SATL1: variants seen among roughly 807,000 people sequenced by gnomAD.
SATL1 encodes spermidine/spermine N(1)-acetyltransferase-like protein 1.
Under a neutral mutation model 51.8 loss-of-function variants are expected in SATL1, and 47 were observed. That is an observed-to-expected ratio of 0.91 (90% CI 0.72 to 1.16). The LOEUF is 1.16. Among genes scored for constraint, SATL1 ranks in the 50% most tolerant of loss-of-function variants. The probability of loss-of-function intolerance (pLI) is 0.00; values close to 1 mark genes in which losing one functional copy is unlikely to be tolerated. For missense variants in SATL1, 520 were observed against 526.4 expected (o/e 0.99, Z 0.12); for synonymous variants, 176 against 182.4 (o/e 0.97, Z 0.28).
In SATL1 at chrX:85,219,461, C is replaced by T. The variant is rs774573688; in HGVS notation, c.-313+4744G>A. On this transcript the variant is annotated intron_variant, in intron 2 of 7. Transcript: ENST00000644105. ...AGTAGGGATGGCAGATGTTTATTAT[C>T]ACCAAAATGCAGCATAACATTTGCA... 18 of 111,558 alleles carry T rather than the reference C, an allele frequency of 1.6e-4. No homozygotes were observed. The East Asian group carries it at 4.5e-3, about 28-fold the overall frequency. 9.2% of individuals were successfully genotyped at this position (111,558 alleles called of 1,213,427 possible).
rs775402750 is a variant in SATL1, at chrX:85,151,661, C to T, written c.-312-42381G>A. Among the ~76,000 whole-genome samples, 14 of 110,944 alleles carry T rather than the reference C, an allele frequency of 1.3e-4. No homozygotes were observed. In the East Asian group the frequency reaches 2.3e-3, roughly 18 times the overall value. On this transcript the variant is annotated intron_variant, in intron 2 of 7. Transcript: ENST00000644105. ...AGAACAGAGCCCTCAGAAATAATGC[C>T]GCATATCTACAACCATCTGATCTTT...
At chrX:85,240,815 G>A (rs1239695623) in intron 1 of SATL1, among the ~76,000 whole-genome samples, 1 of 106,499 alleles carries the variant, frequency 9.4e-6, no homozygotes, top group African/African-American at 3.5e-5. Flanking sequence ...TAATAGAGAC[G>A]GGGTTTCACC....
intron 2 of SATL1, among the ~76,000 whole-genome samples, chrX:85,164,244 G>A (rs1884142433): frequency 9.0e-6 from 1 of 111,662 alleles, no homozygotes; most frequent in South Asian, 3.7e-4. Flanking sequence ...TTCAACATTA[G>A]TATTGAGATG....
intron 2 of SATL1, among the ~76,000 whole-genome samples, chrX:85,160,653 A>G (rs917778611): frequency 9.0e-6 from 1 of 111,385 alleles, no homozygotes; most frequent in Non-Finnish European, 1.9e-5. Flanking sequence ...AAAGGAAAAA[A>G]TAAAACCTCC....
intron 2 of SATL1, among the ~76,000 whole-genome samples, chrX:85,147,732 G>A (rs1035128370): frequency 8.9e-6 from 1 of 112,137 alleles, no homozygotes; most frequent in African/African-American, 3.2e-5. Context: ...TGGACCTCTA[G>A]CAAACTCCAA....
intron 2 of SATL1, among the ~76,000 whole-genome samples, chrX:85,196,057 T>C (rs766757252): frequency 9.1e-6 from 1 of 109,910 alleles, no homozygotes; most frequent in South Asian, 3.9e-4. Context: ...TGGAGTTGAA[T>C]GTAACCTCAG....
intron 2 of SATL1, among the ~76,000 whole-genome samples, chrX:85,125,671 G>A (rs780889118): frequency 1.7e-3 from 190 of 108,942 alleles, no homozygotes; most frequent in African/African-American, 6.0e-3. Context: ...TGAGCCCATA[G>A]GAATTTGCTT....
At chrX:85,106,165 C>T (rs1735069953) in intron 3 of SATL1, among the ~76,000 whole-genome samples, 1 of 112,092 alleles carries the variant, frequency 8.9e-6, no homozygotes, top group African/African-American at 3.2e-5. Flanking sequence ...AAAATGTTTT[C>T]TACCACCTGG....
chrX:85,216,612 C>T (rs1351809546), intron 2 of SATL1, among the ~76,000 whole-genome samples: 1 of 111,605 alleles, frequency 9.0e-6, no homozygotes, highest in Non-Finnish European at 1.9e-5. Flanking sequence ...CTCTGATAGA[C>T]CCTCTCACAA....
At chrX:85,221,076 C>T (rs1017495412) in intron 2 of SATL1, among the ~76,000 whole-genome samples, 6 of 111,377 alleles carry the variant, frequency 5.4e-5, no homozygotes, top group Non-Finnish European at 1.1e-4. Context: ...CATGCCTAGT[C>T]TTGTTATATT....
At chrX:85,239,676 A>G (rs973488949) in intron 1 of SATL1, among the ~76,000 whole-genome samples, 12 of 111,870 alleles carry the variant, frequency 1.1e-4, no homozygotes, top group African/African-American at 3.9e-4. Context: ...CCACAAGTCA[A>G]TGGAACCTAA....
intron 2 of SATL1, among the ~76,000 whole-genome samples, chrX:85,163,574 C>T (rs971272232): frequency 1.4e-4 from 15 of 111,100 alleles, no homozygotes; most frequent in East Asian, 5.6e-4. Context: ...TATAGTTTCG[C>T]GGGTTTCTTT....
chrX:85,107,232 C>G (rs1925067841), intron 3 of SATL1, 96 bp downstream of exon 3: 1 of 642,970 alleles, frequency 1.6e-6, no homozygotes. Context: ...GAACACATAA[C>G]TAGCAGAGGC....
intron 7 of SATL1, chrX:85,092,960 G>A (rs866091522): frequency 2.5e-5 from 9 of 354,962 alleles, no homozygotes; most frequent in African/African-American, 5.2e-5. Context: ...CAAAAAGGGT[G>A]TATAGTGTGG....
chrX:85,147,769 G>A (rs780773086), intron 2 of SATL1, among the ~76,000 whole-genome samples: 1,485 of 112,152 alleles, frequency 0.013, 23 homozygotes, highest in African/African-American at 0.045. Flanking sequence ...GGTCCTGTCT[G>A]TTAGAAGGGA....
At chrX:85,165,449 T>G (rs1255659125) in intron 2 of SATL1, among the ~76,000 whole-genome samples, 1 of 110,555 alleles carries the variant, frequency 9.0e-6, no homozygotes, top group Non-Finnish European at 1.9e-5. Flanking sequence ...AGCCATATGC[T>G]GTATTTTTCT....
chrX:85,199,546 T>A (rs1182252318), intron 2 of SATL1, among the ~76,000 whole-genome samples: 1 of 111,810 alleles, frequency 8.9e-6, no homozygotes, highest in Non-Finnish European at 1.9e-5. Flanking sequence ...GGTCAACAGA[T>A]GGAGAAAGCA....
chrX:85,241,738 T>C (rs987598996), intron 1 of SATL1, among the ~76,000 whole-genome samples: 1 of 111,876 alleles, frequency 8.9e-6, no homozygotes, highest in African/African-American at 3.3e-5. Context: ...GGGAGTAAGA[T>C]AATCAGTTTT....
chrX:85,134,202 AGT>A (rs1186006012), intron 2 of SATL1, among the ~76,000 whole-genome samples: 1 of 109,624 alleles, frequency 9.1e-6, no homozygotes, highest in Non-Finnish European at 1.9e-5. Flanking sequence ...GTGTGTGTAT[AGT>A]GTGTGTGTTT....
Sources: gnomAD v4.1 joint callset for allele counts (sites outside exome capture counted in the v4.1 genomes callset) on GRCh38, gnomAD v4.1.1 for gene constraint, MANE v1.5 for transcripts, NCBI Gene and HGNC (gene_info 2026-07-23, HGNC 2026-07-21) for gene names.